TXNDC11: variants seen among roughly 807,000 people sequenced by gnomAD.
The protein encoded by TXNDC11 is thioredoxin domain-containing protein 11.
In TXNDC11, 68 loss-of-function variants were observed where a neutral mutation model predicts 78.0. That is an observed-to-expected ratio of 0.87 (90% CI 0.72 to 1.07). TXNDC11 has a LOEUF of 1.07. Among genes scored for constraint, TXNDC11 ranks in the 50% least tolerant of loss-of-function variants. The probability of loss-of-function intolerance (pLI) is 0.00; values close to 1 mark genes in which losing one functional copy is unlikely to be tolerated. For missense variants in TXNDC11, 1,389 were observed against 1,221.8 expected, an observed-to-expected ratio of 1.14 and a Z score of -2.04; for synonymous variants, 571 against 495.2, an observed-to-expected ratio of 1.15 and a Z score of -2.03.
At chr16:11,697,016 T>A (rs1427442447) in intron 7 of TXNDC11, among the ~76,000 whole-genome samples, 1 of 152,228 alleles carries the variant, frequency 6.6e-6, no homozygotes, top group Non-Finnish European at 1.5e-5. Flanking sequence ...AAAGGCCTAG[T>A]CATTTGAAAT....
At chr16:11,712,561 T>C (rs1222688932) in intron 5 of TXNDC11, among the ~76,000 whole-genome samples, 4 of 152,126 alleles carry the variant, frequency 2.6e-5, no homozygotes, top group South Asian at 2.1e-4. Context: ...GATCCTCAAA[T>C]GGTTGTTGAA....
intron 4 of TXNDC11, among the ~76,000 whole-genome samples, chr16:11,727,308 T>C (rs2051912293): frequency 6.6e-6 from 1 of 151,854 alleles, no homozygotes; most frequent in African/African-American, 2.4e-5. Context: ...CAAACATATC[T>C]AACAGACACT....
chr16:11,711,294 G>A (rs372331239), intron 5 of TXNDC11, among the ~76,000 whole-genome samples: 4 of 152,138 alleles, frequency 2.6e-5, no homozygotes, highest in African/African-American at 7.2e-5. Flanking sequence ...GGCATGTGAC[G>A]GTACTGGCTT....
At position 11,692,328 on chromosome 16, in the gene TXNDC11, G is replaced by C. The variant is rs1175445658; in HGVS notation, c.1108-246C>G. 1.4e-5 allele frequency: 6 copies of C among 437,912 alleles called. No homozygotes were observed. In the East Asian group the frequency reaches 2.2e-4, roughly 16 times the overall value. 27.1% of individuals were successfully genotyped at this position (437,912 alleles called of 1,614,324 possible). On this transcript the variant is annotated intron_variant, in intron 7 of 11. Transcript: ENST00000283033. ...TCCCTTTGTCCAGCGTGTCCATGCT[G>C]TGGATGCTGCCAGCCTGTTACTTAG...
intron 5 of TXNDC11, among the ~76,000 whole-genome samples, chr16:11,711,727 C>T (rs568172060): frequency 2.6e-5 from 4 of 152,282 alleles, no homozygotes; most frequent in South Asian, 2.1e-4. Flanking sequence ...GAGTAAGAAG[C>T]GGAGCTTTTT....
chr16:11,712,515 G>A (rs936643584), intron 5 of TXNDC11, among the ~76,000 whole-genome samples: 1 of 152,178 alleles, frequency 6.6e-6, no homozygotes, highest in African/African-American at 2.4e-5. Flanking sequence ...GGCAGGAAAT[G>A]AGATACATTC....
At chr16:11,730,351 G>C (rs1436823911) in intron 4 of TXNDC11, among the ~76,000 whole-genome samples, 1 of 152,162 alleles carries the variant, frequency 6.6e-6, no homozygotes, top group Non-Finnish European at 1.5e-5. Flanking sequence ...CACATAAATT[G>C]TAAGTTAATT....
Position 11,691,711 on chromosome 16 carries a change from G to A in TXNDC11, c.1479C>T (p.Ser493=). 1 of 1,614,204 alleles carries A rather than the reference G, an allele frequency of 6.2e-7. No homozygotes were observed. The highest frequency in any genetic ancestry group is 1.7e-5 in the Admixed American group (1 of 60,034). Reference sequence around the variant, plus strand: ...AGGGGCTATAGGAAGTTAAAAAATTGCTGCATTCTATGCTGTCTGATGCCA... The same window carrying A: ...AGGGGCTATAGGAAGTTAAAAAATTACTGCATTCTATGCTGTCTGATGCCA... ...YHVASDSIEC[S]NFLTSYSPFS... Residue 493 remains serine (S), a synonymous_variant, in exon 8 of 12, where the codon AGC becomes AGT. Transcript: ENST00000283033.
chr16:11,702,093 T>C (rs1187509351), intron 5 of TXNDC11, among the ~76,000 whole-genome samples: 3 of 72,044 alleles, frequency 4.2e-5, no homozygotes, highest in Admixed American at 3.3e-4. Context: ...TATGTATGTG[T>C]ATATATATAT....
chr16:11,692,365 G>A (rs1213658398), intron 7 of TXNDC11: 2 of 344,584 alleles, frequency 5.8e-6, no homozygotes, highest in East Asian at 1.0e-4. Context: ...AGCCAACGCA[G>A]TTATCAGATC....
chr16:11,727,606 T>C (rs929848478), intron 4 of TXNDC11, among the ~76,000 whole-genome samples: 1 of 152,090 alleles, frequency 6.6e-6, no homozygotes, highest in African/African-American at 2.4e-5. Flanking sequence ...AAGTTGAGTA[T>C]CAGAGACAGC....
In TXNDC11 at chr16:11,704,997, T is replaced by C. The variant is rs576866707; in HGVS notation, c.794-4433A>G. On this transcript the variant is annotated intron_variant, in intron 5 of 11. Coordinates refer to ENST00000283033, the MANE Select transcript of TXNDC11 (RefSeq NM_015914.7). Reference sequence around the variant, plus strand: ...CATCTCGGCTCACTGCAACCTTAAGTGATTCTCCTGCCTCAGCCTCCCGAG... The same window carrying C: ...CATCTCGGCTCACTGCAACCTTAAGCGATTCTCCTGCCTCAGCCTCCCGAG... 3.3e-5 allele frequency among the ~76,000 whole-genome samples: 5 copies of C among 151,876 alleles called. No individual in the cohort carries two copies. In the East Asian group the frequency reaches 9.7e-4, roughly 29 times the overall value.
Position 11,698,215 on chromosome 16 carries a change from G to A in TXNDC11, c.1017C>T (p.Leu339=), listed in dbSNP as rs1263752165. ...CTTTCTTCAGCTCGTTATTCAGCAG[G>A]AGACTCTTGCCTCCGTGTGGCCGCA... ...RWLRPHGGKS[L]LLNNELKKGP... is the part of the protein sequence containing the mutation. Residue 339 remains leucine (L), a synonymous_variant, in exon 7 of 12, where the codon CTC becomes CTT. Transcript: ENST00000283033. 3.7e-6 allele frequency: 6 copies of A among 1,614,238 alleles called. No individual in the cohort carries two copies. Among genetic ancestry groups the A allele is most frequent in the Non-Finnish European group, 4.2e-6 (5 of 1,180,044 alleles).
chr16:11,723,057 G>A (rs562574464), intron 4 of TXNDC11, among the ~76,000 whole-genome samples: 1 of 152,174 alleles, frequency 6.6e-6, no homozygotes, highest in South Asian at 2.1e-4. Context: ...AGGAGTTCAA[G>A]ACCAGCCTGG....
chr16:11,724,647 A>G (rs2141096997), intron 4 of TXNDC11, among the ~76,000 whole-genome samples: 1 of 152,348 alleles, frequency 6.6e-6, no homozygotes, highest in East Asian at 1.9e-4. Context: ...TACGTTGTCC[A>G]CAGTAATCGA....
chr16:11,720,706 C>A (rs12927966), intron 5 of TXNDC11, among the ~76,000 whole-genome samples: 1 of 150,752 alleles, frequency 6.6e-6, no homozygotes, highest in Non-Finnish European at 1.5e-5. Flanking sequence ...CGTGAGCCAC[C>A]GTGCCCGACA....
intron 5 of TXNDC11, among the ~76,000 whole-genome samples, chr16:11,709,278 G>A (rs530409257): frequency 4.4e-4 from 32 of 73,544 alleles, no homozygotes; most frequent in South Asian, 1.1e-3. Context: ...TTGAGACAGA[G>A]TCTCGCACTG....
Position 11,742,704 on chromosome 16 carries a change from G to A in TXNDC11, c.27C>T (p.Gly9=). Reference sequence around the variant, plus strand: ...CGGCGTCCTCGCTGCTGCTGCTGCCGCCGCCGCGGCCTCCGCATTCCGACA... The same window carrying A: ...CGGCGTCCTCGCTGCTGCTGCTGCCACCGCCGCGGCCTCCGCATTCCGACA... MSECGGRG[G]GSSSSEDAED... The change falls in exon 1 of 12, where the codon GGC becomes GGT. Residue 9 remains glycine (G), a synonymous_variant. Coordinates refer to ENST00000283033, the MANE Select transcript of TXNDC11 (RefSeq NM_015914.7). The A allele has an allele frequency of 6.8e-7, 1 of 1,478,678 alleles. No homozygotes were observed. The highest frequency in any genetic ancestry group is 8.9e-7 in the Non-Finnish European group (1 of 1,125,086). The allele number at this position is 1,478,678 out of a possible 1,614,324, so 91.6% of individuals were successfully genotyped here.
At chr16:11,731,097 A>G (rs940554891) in intron 3 of TXNDC11, among the ~76,000 whole-genome samples, 2 of 152,250 alleles carry the variant, frequency 1.3e-5, no homozygotes, top group African/African-American at 2.4e-5. Flanking sequence ...TTTTAAAAAC[A>G]AAACAGAGAG....
Sources: allele counts gnomAD v4.1 joint callset (sites outside exome capture counted in the v4.1 genomes callset), GRCh38; gene constraint gnomAD v4.1.1; transcripts MANE v1.5; gene names NCBI Gene and HGNC (gene_info 2026-07-23, HGNC 2026-07-21).